Variants in AUTS2 observed in about 807,000 individuals in gnomAD.
AUTS2 encodes the protein activator of transcription and developmental regulator AUTS2, also known as autism susceptibility gene 2 protein.
In AUTS2, 17 loss-of-function variants were observed where a neutral mutation model predicts 112.4. The ratio of observed to expected loss-of-function variants is 0.15; its 90% CI spans 0.10 to 0.23. AUTS2 has a LOEUF of 0.23. Ranked by LOEUF, AUTS2 falls within the 10% of genes least tolerant of loss-of-function variation. The pLI, the probability that AUTS2 is intolerant of heterozygous loss-of-function variation, is 1.00. For missense variants in AUTS2, 1,510 were observed against 1,701.6 expected, an observed-to-expected ratio of 0.89 and a Z score of 1.98; for synonymous variants, 751 against 702.7, an observed-to-expected ratio of 1.07 and a Z score of -1.09.
chr7:70,644,543 G>C (rs1021473944), intron 5 of AUTS2, among the ~76,000 whole-genome samples: 1 of 152,096 alleles, frequency 6.6e-6, no homozygotes, highest in African/African-American at 2.4e-5. Flanking sequence ...AGACTGACCT[G>C]ACTTCTCCCA....
rs150968331 is a variant in AUTS2 at position 69,822,529 on chromosome 7, G to A, written c.310-76757G>A. ...TTTTTGCTCTAGATTCTAGACTTTG[G>A]CGAATAGAATGATACATTTTGTTTA... On this transcript the variant is annotated intron_variant, in intron 1 of 18. Transcript: ENST00000342771. Among the ~76,000 whole-genome samples, 220 of 152,304 alleles carry A rather than the reference G, an allele frequency of 1.4e-3. 1 individual carries two copies. Among genetic ancestry groups the A allele is most frequent in the African/African-American group, 4.4e-3 (184 of 41,550 alleles).
intron 2 of AUTS2, among the ~76,000 whole-genome samples, chr7:70,019,136 ATTATCC>A (rs1800162097): frequency 6.6e-6 from 1 of 152,216 alleles, no homozygotes; most frequent in East Asian, 1.9e-4. Flanking sequence ...GCTGTAGGCT[ATTATCC>A]TTAGCCAATT....
At position 69,874,220 on chromosome 7, in the gene AUTS2, G is replaced by A. The variant is rs115531940; in HGVS notation, c.310-25066G>A. ...GCAGCCTTGGCAACATAGTGAGACC[G>A]TGTGTCAAAAAAAAAGAACAAGAGA... On this transcript the variant is annotated intron_variant, in intron 1 of 18. Coordinates refer to ENST00000342771, the MANE Select transcript of AUTS2 (RefSeq NM_015570.4). Among the ~76,000 whole-genome samples, 454 of 142,532 alleles carry A rather than the reference G, an allele frequency of 3.2e-3. 5 individuals carry two copies. Among genetic ancestry groups the A allele is most frequent in the African/African-American group, 0.011 (432 of 38,942 alleles). The allele number at this position is 142,532 out of a possible 152,430, so 93.5% of individuals were successfully genotyped here.
At chr7:70,661,606 A>G (rs1011124335) in intron 5 of AUTS2, among the ~76,000 whole-genome samples, 2 of 152,202 alleles carry the variant, frequency 1.3e-5, no homozygotes, top group Admixed American at 1.3e-4. Context: ...GTGAGAACCA[A>G]ATGAGACAGT....
intron 1 of AUTS2, among the ~76,000 whole-genome samples, chr7:69,675,294 CTA>C (rs1379974532): frequency 6.6e-6 from 1 of 152,068 alleles, no homozygotes; most frequent in Non-Finnish European, 1.5e-5. Flanking sequence ...TTGAATCTTG[CTA>C]TTTGTTTCCA....
chr7:70,082,993 G>A (rs1280811098), intron 2 of AUTS2, among the ~76,000 whole-genome samples: 5 of 152,140 alleles, frequency 3.3e-5, no homozygotes, highest in Admixed American at 6.6e-5. Context: ...TTACAATGTG[G>A]AGCTTTCAAT....
intron 4 of AUTS2, among the ~76,000 whole-genome samples, chr7:70,156,907 A>C: frequency 7.2e-6 from 1 of 139,030 alleles, no homozygotes; most frequent in Non-Finnish European, 1.5e-5. Flanking sequence ...AAAAAAAAAA[A>C]AAAAAAAAAA....
chr7:69,917,822 T>TTTGTTGTTGTTGTTGTTGTTG (rs58362194), intron 2 of AUTS2, among the ~76,000 whole-genome samples: 1 of 149,118 alleles, frequency 6.7e-6, no homozygotes, highest in South Asian at 2.2e-4. Context: ...CAAGGACACC[T>TTTGTTGTTGTTGTTGTTGTTG]TTGTTGTTGT....
chr7:69,937,919 C>T (rs569726776), intron 2 of AUTS2, among the ~76,000 whole-genome samples: 167 of 152,226 alleles, frequency 1.1e-3, no homozygotes, highest in African/African-American at 3.9e-3. Flanking sequence ...CAAGGAGAGG[C>T]AGAGTGCACT....
At chr7:70,248,106 T>C (rs562591917) in intron 4 of AUTS2, among the ~76,000 whole-genome samples, 37 of 152,306 alleles carry the variant, frequency 2.4e-4, no homozygotes, top group Middle Eastern at 3.4e-3. Flanking sequence ...CACACAATGC[T>C]AGATTCAGTT....
intron 4 of AUTS2, among the ~76,000 whole-genome samples, chr7:70,395,440 A>G (rs1219597766): frequency 6.6e-6 from 1 of 152,212 alleles, no homozygotes; most frequent in African/African-American, 2.4e-5. Flanking sequence ...TTCTTTCCTA[A>G]TTATCAGCGT....
At chr7:70,750,143 A>T (rs1392255216) in intron 6 of AUTS2, among the ~76,000 whole-genome samples, 1 of 152,066 alleles carries the variant, frequency 6.6e-6, no homozygotes, top group Non-Finnish European at 1.5e-5. Flanking sequence ...TATCACAGAC[A>T]CTTCTTTCTA....
At chr7:69,761,058 C>T (rs542054554) in intron 1 of AUTS2, among the ~76,000 whole-genome samples, 1 of 152,300 alleles carries the variant, frequency 6.6e-6, no homozygotes, top group South Asian at 2.1e-4. Context: ...ACCACTGATA[C>T]AATGCTGAGA....
In AUTS2 at chr7:69,973,182, T is replaced by C. The variant is rs981606037; in HGVS notation, c.522+73684T>C. On this transcript the variant is annotated intron_variant, in intron 2 of 18. Transcript: ENST00000342771. Reference sequence around the variant, plus strand: ...TGAATTAGATTTATAACTATCACTTTTGGGGGGCACTTGAAATGGTATTGT... The same window carrying C: ...TGAATTAGATTTATAACTATCACTTCTGGGGGGCACTTGAAATGGTATTGT... 3.9e-5 allele frequency among the ~76,000 whole-genome samples: 6 copies of C among 152,188 alleles called. No individual in the cohort carries two copies. In the South Asian group the frequency reaches 1.0e-3, roughly 26 times the overall value.
intron 1 of AUTS2, among the ~76,000 whole-genome samples, chr7:69,883,068 A>G (rs1319894364): frequency 6.6e-6 from 1 of 152,208 alleles, no homozygotes; most frequent in Non-Finnish European, 1.5e-5. Flanking sequence ...CATAAGGGCC[A>G]AGGCATTTGT....
intron 5 of AUTS2, among the ~76,000 whole-genome samples, chr7:70,548,785 T>C (rs1266132832): frequency 6.6e-6 from 1 of 152,206 alleles, no homozygotes; most frequent in Non-Finnish European, 1.5e-5. Flanking sequence ...AGTACCAGGC[T>C]GTCTTGATTA....
intron 2 of AUTS2, among the ~76,000 whole-genome samples, chr7:69,974,959 T>G (rs974046570): frequency 3.3e-5 from 5 of 152,214 alleles, no homozygotes; most frequent in Middle Eastern, 3.4e-3. Context: ...TGACTTAAGA[T>G]CCTTTCTTTT....
intron 6 of AUTS2, among the ~76,000 whole-genome samples, chr7:70,734,444 A>AG (rs1318924249): frequency 2.6e-5 from 4 of 151,840 alleles, no homozygotes; most frequent in Admixed American, 1.3e-4. Context: ...TATCTCAAAA[A>AG]AAAAAGAAAA....
At chr7:69,941,430 G>A (rs1381851120) in intron 2 of AUTS2, among the ~76,000 whole-genome samples, 1 of 152,142 alleles carries the variant, frequency 6.6e-6, no homozygotes, top group Non-Finnish European at 1.5e-5. Flanking sequence ...ACCACCAAAA[G>A]TGTCATTCTG....
Sources: allele counts gnomAD v4.1 joint callset (sites outside exome capture counted in the v4.1 genomes callset), GRCh38; gene constraint gnomAD v4.1.1; transcripts MANE v1.5; gene names NCBI Gene and HGNC (gene_info 2026-07-23, HGNC 2026-07-21).